Variants in METAP2 observed in about 807,000 individuals in gnomAD.
The protein encoded by METAP2 is methionyl aminopeptidase 2.
METAP2 carries 25 observed loss-of-function variants against 59.4 expected under a neutral mutation model. The observed-to-expected ratio is 0.42, with a 90% CI of 0.31 to 0.59. METAP2 has a LOEUF of 0.59. METAP2 is among the 20% of genes least tolerant of loss of function. METAP2 has a pLI of 0.16. For synonymous variants in METAP2, 214 were observed against 194.1 expected, an observed-to-expected ratio of 1.10 and a Z score of -0.85; for missense variants, 366 against 581.2, an observed-to-expected ratio of 0.63 and a Z score of 3.81.
intron 8 of METAP2, among the ~76,000 whole-genome samples, chr12:95,504,883 C>G (rs2140161185): frequency 6.6e-6 from 1 of 152,296 alleles, no homozygotes; most frequent in Admixed American, 6.5e-5. Flanking sequence ...CCTTTGCCTT[C>G]TAGTCTTTAC....
intron 2 of METAP2, among the ~76,000 whole-genome samples, chr12:95,482,396 A>G (rs1421734803): frequency 6.6e-6 from 1 of 152,122 alleles, no homozygotes; most frequent in Admixed American, 6.5e-5. Flanking sequence ...TACAGGTGTG[A>G]ACCACTTTAC....
At chr12:95,495,916 A>C in intron 6 of METAP2, 88 bp from the exon 7 acceptor site, 1 of 791,850 alleles carries the variant, frequency 1.3e-6, no homozygotes, top group Non-Finnish European at 2.0e-6. Context: ...TTTTCTGTTA[A>C]ACTAGCAAGA....
At chr12:95,496,310 C>G (rs570530454) in intron 7 of METAP2, among the ~76,000 whole-genome samples, 1 of 149,918 alleles carries the variant, frequency 6.7e-6, no homozygotes, top group Middle Eastern at 3.4e-3. Context: ...GTTTGTTTCC[C>G]TTGAACTTTG....
intron 7 of METAP2, among the ~76,000 whole-genome samples, chr12:95,499,641 A>G (rs2076301021): frequency 6.7e-6 from 1 of 150,172 alleles, no homozygotes; most frequent in Admixed American, 6.7e-5. Flanking sequence ...ATGGCTTCAG[A>G]TGGTATTGAC....
At chr12:95,499,404 G>A (rs1335449408) in intron 7 of METAP2, among the ~76,000 whole-genome samples, 1 of 152,124 alleles carries the variant, frequency 6.6e-6, no homozygotes, top group African/African-American at 2.4e-5. Flanking sequence ...GCCTCCCAGA[G>A]TGCTGGGATT....
chr12:95,501,007 A>ATTTTTTT (rs540202398), intron 7 of METAP2, among the ~76,000 whole-genome samples: 3 of 103,562 alleles, frequency 2.9e-5, no homozygotes, highest in Non-Finnish European at 3.8e-5. Flanking sequence ...CTTTGTTGGG[A>ATTTTTTT]TTTTTTTTTT....
intron 2 of METAP2, among the ~76,000 whole-genome samples, chr12:95,478,810 A>C (rs2076139072): frequency 6.6e-6 from 1 of 152,180 alleles, no homozygotes; most frequent in South Asian, 2.1e-4. Context: ...CAAACAAAGG[A>C]ACTATTTTGG....
chr12:95,505,747 G>A (rs1041827735), intron 8 of METAP2, among the ~76,000 whole-genome samples: 14 of 151,090 alleles, frequency 9.3e-5, no homozygotes, highest in East Asian at 2.0e-4. Context: ...CGCCCACCTC[G>A]GCCTCCCGAA....
At chr12:95,476,229 G>A (rs756057152) in intron 2 of METAP2, 51 bp downstream of exon 2, 9 of 1,243,916 alleles carry the variant, frequency 7.2e-6, no homozygotes, top group Middle Eastern at 1.9e-4. Flanking sequence ...AAATGTAGCC[G>A]GGTGTGGTGG....
chr12:95,489,124 G>A (rs1168679054), intron 4 of METAP2, among the ~76,000 whole-genome samples: 5 of 151,774 alleles, frequency 3.3e-5, no homozygotes, highest in African/African-American at 7.3e-5. Flanking sequence ...TTTCAATCCC[G>A]TTTCTGTTTC....
At position 95,485,962 on chromosome 12, in the gene METAP2, T is replaced by A; in HGVS notation, c.409T>A (p.Tyr137Asn). 6.3e-7 allele frequency: 1 copy of A among 1,585,160 alleles called. No homozygotes were observed. The highest frequency in any genetic ancestry group is 8.6e-7 in the Non-Finnish European group (1 of 1,164,810). Residue 137 changes from tyrosine (Y) to asparagine (N), a missense_variant, in exon 4 of 11, where the codon TAC becomes AAC. By Grantham distance (143) the Tyr-to-Asn change is moderately radical. Transcript: ENST00000323666. ...ATTTCCCAAAGGACAAGAATGCGAA[T>A]ACCCACCCACACAAGATGGGTAAGG... ...GVFPKGQECE[Y>N]PPTQDGRTAA...
intron 4 of METAP2, among the ~76,000 whole-genome samples, chr12:95,492,420 G>GA (rs2076245388): frequency 6.6e-6 from 1 of 152,042 alleles, no homozygotes; most frequent in African/African-American, 2.4e-5. Flanking sequence ...CACTTATAAG[G>GA]AGTTTTGGGG....
chr12:95,492,462 T>G (rs1367447076), intron 4 of METAP2, among the ~76,000 whole-genome samples: 3 of 152,120 alleles, frequency 2.0e-5, no homozygotes, highest in Admixed American at 6.5e-5. Flanking sequence ...GACGCTGGGT[T>G]TTTCTTATTG....
At chr12:95,503,839 A>C (rs144787927) in intron 7 of METAP2, among the ~76,000 whole-genome samples, 1 of 152,206 alleles carries the variant, frequency 6.6e-6, no homozygotes, top group Non-Finnish European at 1.5e-5. Context: ...AAGTACTTAC[A>C]TTAGACAGAT....
intron 3 of METAP2, among the ~76,000 whole-genome samples, chr12:95,485,345 T>A (rs2076188272): frequency 6.6e-6 from 1 of 152,170 alleles, no homozygotes; most frequent in South Asian, 2.1e-4. Context: ...ATAAAAGGCA[T>A]CTTTATCAGA....
At chr12:95,493,553 G>A (rs2076254740) in intron 4 of METAP2, among the ~76,000 whole-genome samples, 1 of 152,178 alleles carries the variant, frequency 6.6e-6, no homozygotes, top group Non-Finnish European at 1.5e-5. Context: ...TTATATTTAT[G>A]TATACAATTA....
intron 2 of METAP2, 61 bp from the exon 3 acceptor site, chr12:95,483,154 T>G (rs2076171027): frequency 1.6e-6 from 2 of 1,262,986 alleles, no homozygotes; most frequent in African/African-American, 1.5e-5. Flanking sequence ...CTCCTTGTAC[T>G]TGCTTTGTCC....
chr12:95,482,506 A>G (rs1594413204), intron 2 of METAP2, among the ~76,000 whole-genome samples: 1 of 152,092 alleles, frequency 6.6e-6, no homozygotes, highest in East Asian at 1.9e-4. Context: ...GAGGCTGGGT[A>G]CAGTGGCTCA....
rs1449877224 is a variant in METAP2, at chr12:95,514,024, C to G, written c.*120C>G. The G allele has an allele frequency of 1.1e-5, 13 of 1,175,416 alleles. No homozygotes were observed. The East Asian group carries it at 2.1e-4, about 19-fold the overall frequency. The allele number at this position is 1,175,416 out of a possible 1,614,324, so 72.8% of individuals were successfully genotyped here. A position where few individuals can be genotyped will look rare whatever the true frequency, so the allele number is the denominator to read the frequency against. ...AGTGGACCCATGTAATACTTTTATC[C>G]ATGTTTAAAAAAGAAGGAATTTGGA... On this transcript the variant is annotated 3_prime_UTR_variant, in exon 11 of 11. Transcript: ENST00000323666.
Sources: allele counts gnomAD v4.1 joint callset (sites outside exome capture counted in the v4.1 genomes callset), GRCh38; gene constraint gnomAD v4.1.1; transcripts MANE v1.5; gene names NCBI Gene and HGNC (gene_info 2026-07-23, HGNC 2026-07-21).